ALG1: variants seen among roughly 807,000 people sequenced by gnomAD.
ALG1 encodes ALG1 chitobiosyldiphosphodolichol beta-mannosyltransferase, also known as chitobiosyldiphosphodolichol beta-mannosyltransferase.
ALG1 carries 58 observed loss-of-function variants against 55.1 expected under a neutral mutation model. The ratio of observed to expected loss-of-function variants is 1.05; its 90% confidence interval spans 0.85 to 1.31. ALG1 has a LOEUF of 1.31. Ranked by LOEUF, ALG1 falls within the 50% of genes most tolerant of loss-of-function variation. The pLI, the probability that ALG1 is intolerant of heterozygous loss-of-function variation, is 0.00. For synonymous variants in ALG1, 309 were observed against 247.0 expected (o/e 1.25, Z -2.35); for missense variants, 761 against 598.6 (o/e 1.27, Z -2.83).
chr16:5,075,623 T>C, intron 4 of ALG1, 87 bp downstream of exon 4: 1 of 1,554,432 alleles, frequency 6.4e-7, no homozygotes, highest in South Asian at 1.1e-5. Context: ...CCTCCGGAAG[T>C]CGGTTCCTTG....
Position 5,082,635 on chromosome 16 carries a change from C to G in ALG1, c.1149C>G (p.Phe383Leu). Residue 383 changes from phenylalanine (F) to leucine (L), a missense_variant, in exon 11 of 13, where the codon TTC (phenylalanine) becomes TTG (leucine). By Grantham distance (22) the Phe-to-Leu change is conservative. Transcript: ENST00000262374. Reference sequence around the variant, plus strand: ...TGCCCATGAAGGTGGTGGACATGTTCGGGTGCTGTTTGCCTGTGTGTGCTG... The same window carrying G: ...TGCCCATGAAGGTGGTGGACATGTTGGGGTGCTGTTTGCCTGTGTGTGCTG... ...LDLPMKVVDM[F>L]GCCLPVCAVN... 1 of 1,610,858 alleles carries G rather than the reference C, an allele frequency of 6.2e-7. No homozygotes were observed. Among genetic ancestry groups the G allele is most frequent in the Non-Finnish European group, 8.5e-7 (1 of 1,179,212 alleles).
At chr16:5,083,238 G>A (rs1021399460) in intron 11 of ALG1, among the ~76,000 whole-genome samples, 6 of 152,238 alleles carry the variant, frequency 3.9e-5, no homozygotes, top group East Asian at 1.9e-4. Context: ...TCAGGAGCCG[G>A]CCCCTGGATG....
chr16:5,073,395 G>T (rs1956853804), intron 3 of ALG1, 139 bp downstream of exon 3: 1 of 745,892 alleles, frequency 1.3e-6, no homozygotes, highest in African/African-American at 1.7e-5. Flanking sequence ...GGAGCCTATG[G>T]TATGTGTCTA....
chr16:5,082,826 T>G (rs1444123547), intron 11 of ALG1, among the ~76,000 whole-genome samples, 153 bp downstream of exon 11: 1 of 152,190 alleles, frequency 6.6e-6, no homozygotes, highest in Non-Finnish European at 1.5e-5. Flanking sequence ...GCGGTTACTG[T>G]GGCTGGGCTG....
At chr16:5,080,923 A>G (rs1470861028) in intron 9 of ALG1, 23 bp from the exon 10 acceptor site, 1 of 1,595,110 alleles carries the variant, frequency 6.3e-7, no homozygotes, top group Admixed American at 1.7e-5. Flanking sequence ...GGTCCATGGC[A>G]GTGTCTGCTC....
intron 4 of ALG1, among the ~76,000 whole-genome samples, chr16:5,075,779 T>C (rs979349557): frequency 2.0e-5 from 3 of 152,192 alleles, no homozygotes; most frequent in Admixed American, 6.5e-5. Flanking sequence ...AGCTCAGCAG[T>C]GTCACTGGGA....
chr16:5,083,481 G>T (rs555298341), intron 11 of ALG1, among the ~76,000 whole-genome samples: 1 of 152,278 alleles, frequency 6.6e-6, no homozygotes, highest in African/African-American at 2.4e-5. Context: ...TCAAATGGGT[G>T]TGGCCATTTT....
At chr16:5,082,523 AGACCAGTGCTCT>A in intron 10 of ALG1, 24 bp from the exon 11 acceptor site, 9 of 1,602,270 alleles carry the variant, frequency 5.6e-6, no homozygotes, top group Non-Finnish European at 7.7e-6. Flanking sequence ...CCCAGGGCAG[AGACCAGTGCTCT>A]GACCCACCCC....
At chr16:5,082,330 C>G (rs1459611648) in intron 10 of ALG1, among the ~76,000 whole-genome samples, 2 of 134,370 alleles carry the variant, frequency 1.5e-5, no homozygotes, top group Admixed American at 7.9e-5. Flanking sequence ...AACAACACAA[C>G]AACAAAAAAA....
intron 3 of ALG1, among the ~76,000 whole-genome samples, chr16:5,075,118 G>A (rs986739573): frequency 3.3e-5 from 5 of 151,992 alleles, no homozygotes; most frequent in South Asian, 4.2e-4. Flanking sequence ...TTCCTAGGCC[G>A]GCCTTGAACT....
chr16:5,078,821 C>A lies in ALG1; in HGVS notation c.805C>A (p.Leu269Met). 6.2e-7 allele frequency: 1 copy of A among 1,612,522 alleles called. No individual in the cohort carries two copies. The highest frequency in any genetic ancestry group is 8.5e-7 in the Non-Finnish European group (1 of 1,179,810). ...AFTERDAGSGLVTRLRERPAL... is the reference protein window; with the variant it reads ...AFTERDAGSGMVTRLRERPAL... ...CACGGAGCGGGATGCTGGGAGCGGG[C>A]TGGTGACGCGTCTCCGTGAGCGGCC... Residue 269 changes from leucine to methionine, a missense_variant, in exon 7 of 13, where the codon CTG (leucine) becomes ATG (methionine). Coordinates refer to ENST00000262374, the MANE Select transcript of ALG1 (RefSeq NM_019109.5).
At chr16:5,081,557 T>C (rs1346755386) in intron 10 of ALG1, among the ~76,000 whole-genome samples, 125 of 152,332 alleles carry the variant, frequency 8.2e-4, no homozygotes, top group Admixed American at 8.2e-3. Flanking sequence ...GGCCTTTTCC[T>C]GGCAGGACTC....
At chr16:5,073,910 A>T (rs1252410437) in intron 3 of ALG1, among the ~76,000 whole-genome samples, 1 of 151,936 alleles carries the variant, frequency 6.6e-6, no homozygotes, top group Non-Finnish European at 1.5e-5. Flanking sequence ...AAATGGGGTT[A>T]CGCCATGTTG....
At chr16:5,083,087 C>T (rs1368513057) in intron 11 of ALG1, among the ~76,000 whole-genome samples, 1 of 152,184 alleles carries the variant, frequency 6.6e-6, no homozygotes, top group Non-Finnish European at 1.5e-5. Flanking sequence ...TGGCCAAGCT[C>T]ACATGGTCGG....
intron 3 of ALG1, among the ~76,000 whole-genome samples, chr16:5,074,296 C>A (rs750879450): frequency 6.6e-6 from 1 of 152,068 alleles, no homozygotes; most frequent in Admixed American, 6.5e-5. Context: ...CAGGCATGTG[C>A]CACCATGCCT....
intron 1 of ALG1, chr16:5,072,407 T>C (rs1298413223): frequency 1.7e-5 from 9 of 538,136 alleles, no homozygotes; most frequent in East Asian, 4.5e-5. Context: ...GGATATTTCA[T>C]TCCTCATCCC....
chr16:5,080,704 C>T (rs1257297502), intron 9 of ALG1, among the ~76,000 whole-genome samples: 1 of 152,244 alleles, frequency 6.6e-6, no homozygotes, highest in Non-Finnish European at 1.5e-5. Context: ...GCCATGTTTG[C>T]AGCCCGAGGC....
chr16:5,073,732 G>A (rs1320126248), intron 3 of ALG1, among the ~76,000 whole-genome samples: 1 of 152,182 alleles, frequency 6.6e-6, no homozygotes, highest in Non-Finnish European at 1.5e-5. Flanking sequence ...ATATTTTTTT[G>A]AGACAGAGTT....
chr16:5,071,900 G>A lies in ALG1; in HGVS notation c.51G>A (p.Leu17=), dbSNP rs1956822555. 6.2e-7 allele frequency: 1 copy of A among 1,600,144 alleles called. No homozygotes were observed. Among genetic ancestry groups the A allele is most frequent in the East Asian group, 2.3e-5 (1 of 44,146 alleles). ...TGGCGCTGTGTCTGCTGCTGCCGCT[G>A]CTGCTGCTGGGAGGATGGAAGCGCT... ...VLLALCLLLP[L]LLLGGWKRWR... Residue 17 remains leucine, a synonymous_variant, in exon 1 of 13, where the codon CTG becomes CTA. Transcript: ENST00000262374.
Sources: allele counts gnomAD v4.1 joint callset (sites outside exome capture counted in the v4.1 genomes callset), GRCh38; gene constraint gnomAD v4.1.1; transcripts MANE v1.5; gene names NCBI Gene and HGNC (gene_info 2026-07-23, HGNC 2026-07-21).